AQP9: variants seen among roughly 807,000 people sequenced by gnomAD.
AQP9 encodes the protein aquaporin 9.
A neutral mutation model predicts 23.8 loss-of-function variants in AQP9; 19 were observed. That is an observed-to-expected ratio of 0.80 (90% CI 0.56 to 1.17). AQP9 has a LOEUF of 1.17. Among genes scored for constraint, AQP9 ranks in the 50% most tolerant of loss-of-function variants. AQP9 has a pLI of 0.00. For synonymous variants in AQP9, 153 were observed against 131.5 expected, an observed-to-expected ratio of 1.16 and a Z score of -1.12; for missense variants, 413 against 362.0, an observed-to-expected ratio of 1.14 and a Z score of -1.14.
At chr15:58,140,521 T>A (rs1207901552) in intron 1 of AQP9, among the ~76,000 whole-genome samples, 1 of 152,236 alleles carries the variant, frequency 6.6e-6, no homozygotes, top group Non-Finnish European at 1.5e-5. Flanking sequence ...CATCTTCAGT[T>A]TTGTTGGAGC....
chr15:58,183,657 C>A (rs2140638852), intron 5 of AQP9, among the ~76,000 whole-genome samples: 1 of 152,214 alleles, frequency 6.6e-6, no homozygotes, highest in South Asian at 2.1e-4. Context: ...TTGACCTGAA[C>A]TTTCTTAGGG....
chr15:58,157,435 C>T (rs1252235013), intron 1 of AQP9, among the ~76,000 whole-genome samples: 1 of 152,112 alleles, frequency 6.6e-6, no homozygotes, highest in African/African-American at 2.4e-5. Context: ...TTGACTTTAG[C>T]TAAATAAAAT....
At position 58,138,668 on chromosome 15, in the gene AQP9, A is replaced by T; in HGVS notation, c.103A>T (p.Ile35Phe). Residue 35 changes from isoleucine (I) to phenylalanine (F), a missense_variant, in exon 1 of 6, where the codon ATC becomes TTC. Ile to Phe is a conservative substitution (Grantham distance 21). Transcript: ENST00000219919. ...CCTCTCTGAGTTCTTGGGCACGTTCATCTTGATTGTAAGTATTTCCTGATT... is the reference window on the plus strand; with the variant it reads ...CCTCTCTGAGTTCTTGGGCACGTTCTTCTTGATTGTAAGTATTTCCTGATT... ...ETLSEFLGTF[I>F]LIVLGCGCVA... 6.2e-7 allele frequency: 1 copy of T among 1,613,546 alleles called. No homozygotes were observed. The highest frequency in any genetic ancestry group is 8.5e-7 in the Non-Finnish European group (1 of 1,179,556).
intron 1 of AQP9, 126 bp from the exon 2 acceptor site, chr15:58,166,547 G>A: frequency 8.0e-7 from 1 of 1,252,120 alleles, no homozygotes; most frequent in Non-Finnish European, 1.1e-6. Flanking sequence ...ATTATAATTT[G>A]ATTTGTATAA....
At chr15:58,141,436 A>G (rs1364022721) in intron 1 of AQP9, among the ~76,000 whole-genome samples, 1 of 152,224 alleles carries the variant, frequency 6.6e-6, no homozygotes, top group African/African-American at 2.4e-5. Flanking sequence ...AAGCTTCCGC[A>G]TTAGAGGTCT....
chr15:58,156,594 A>T (rs1011704962), intron 1 of AQP9, among the ~76,000 whole-genome samples: 29 of 152,308 alleles, frequency 1.9e-4, no homozygotes, highest in South Asian at 1.0e-3. Context: ...GTAACCACAG[A>T]CTGGGCAGGA....
intron 1 of AQP9, among the ~76,000 whole-genome samples, chr15:58,148,249 G>A (rs1400452650): frequency 6.6e-6 from 1 of 152,158 alleles, no homozygotes; most frequent in African/African-American, 2.4e-5. Flanking sequence ...TCCCAAATAT[G>A]TTTGGGAAAC....
chr15:58,138,525 T>C lies in AQP9; in HGVS notation c.-41T>C, dbSNP rs1251695640. 3 of 1,520,126 alleles carry C rather than the reference T, an allele frequency of 2.0e-6. No individual in the cohort carries two copies. Among genetic ancestry groups the C allele is most frequent in the Non-Finnish European group, 2.7e-6 (3 of 1,101,482 alleles). 94.2% of individuals were successfully genotyped at this position (1,520,126 alleles called of 1,614,324 possible). ...CTGTGAAAGTGAGGACCACAACAGGTAGGTATTGGTAGAAACAGGAGTCCT... is the reference window on the plus strand; with the variant it reads ...CTGTGAAAGTGAGGACCACAACAGGCAGGTATTGGTAGAAACAGGAGTCCT... On this transcript the variant is annotated 5_prime_UTR_variant, in exon 1 of 6. Transcript: ENST00000219919.
At chr15:58,145,172 C>T (rs774736884) in intron 1 of AQP9, among the ~76,000 whole-genome samples, 1 of 151,954 alleles carries the variant, frequency 6.6e-6, no homozygotes, top group Admixed American at 6.6e-5. Flanking sequence ...TTTCTTTATT[C>T]TTGCCTTTTC....
intron 2 of AQP9, among the ~76,000 whole-genome samples, 179 bp downstream of exon 2, chr15:58,166,978 A>T (rs1347295381): frequency 6.6e-6 from 1 of 152,282 alleles, no homozygotes; most frequent in Non-Finnish European, 1.5e-5. Context: ...GTAACTTATT[A>T]TGCAAAGGCA....
At chr15:58,173,633 GGGA>G (rs1898674794) in intron 3 of AQP9, among the ~76,000 whole-genome samples, 1 of 152,180 alleles carries the variant, frequency 6.6e-6, no homozygotes. Context: ...TGGGCTGGGT[GGGA>G]GCCTCATTGC....
chr15:58,160,618 G>A (rs1898356832), intron 1 of AQP9, among the ~76,000 whole-genome samples: 1 of 146,576 alleles, frequency 6.8e-6, no homozygotes, highest in South Asian at 2.2e-4. Context: ...AATTTGTATG[G>A]TTTTCCTCCA....
intron 1 of AQP9, among the ~76,000 whole-genome samples, chr15:58,146,310 T>C (rs992067370): frequency 6.6e-6 from 1 of 152,146 alleles, no homozygotes; most frequent in Non-Finnish European, 1.5e-5. Flanking sequence ...TCTTAATCCA[T>C]GCTGAATTTT....
chr15:58,176,607 T>G (rs1898759983), intron 4 of AQP9, among the ~76,000 whole-genome samples: 1 of 136,726 alleles, frequency 7.3e-6, no homozygotes, highest in South Asian at 2.5e-4. Context: ...TTTGGTGTTT[T>G]TCTCTAAGCT....
At chr15:58,147,635 G>T (rs752783469) in intron 1 of AQP9, among the ~76,000 whole-genome samples, 3 of 152,136 alleles carry the variant, frequency 2.0e-5, no homozygotes, top group Admixed American at 6.6e-5. Flanking sequence ...CGACTTGAAG[G>T]CTTAGTCCCT....
At chr15:58,142,956 C>A (rs537173696) in intron 1 of AQP9, among the ~76,000 whole-genome samples, 20 of 152,290 alleles carry the variant, frequency 1.3e-4, no homozygotes, top group Middle Eastern at 3.4e-3. Flanking sequence ...CTGTCCAAGT[C>A]GTGCACCATC....
chr15:58,177,894 C>T lies in AQP9; in HGVS notation c.496-1234C>T, dbSNP rs146389680. ...TTATTGTCTTAAAATTTTTCTTTTA[C>T]GTATGTTTTTAAGTAGAGTCAACCC... On this transcript the variant is annotated intron_variant, in intron 4 of 5. Coordinates refer to ENST00000219919, the MANE Select transcript of AQP9 (RefSeq NM_020980.5). 1.6e-3 allele frequency among the ~76,000 whole-genome samples: 244 copies of T among 152,248 alleles called. 1 individual carries two copies. The highest frequency in any genetic ancestry group is 5.1e-3 in the African/African-American group (214 of 41,566).
chr15:58,170,919 G>A (rs1467637695), intron 2 of AQP9, among the ~76,000 whole-genome samples: 7 of 151,774 alleles, frequency 4.6e-5, no homozygotes, highest in African/African-American at 1.2e-4. Context: ...GATCACTTAC[G>A]GCCCCCTTGG....
intron 1 of AQP9, among the ~76,000 whole-genome samples, chr15:58,139,340 C>G (rs184932965): frequency 6.6e-6 from 1 of 152,254 alleles, no homozygotes; most frequent in Admixed American, 6.5e-5. Context: ...GGGACGACTT[C>G]TAAGAACCTC....
Sources: gnomAD v4.1 joint callset for allele counts (sites outside exome capture counted in the v4.1 genomes callset) on GRCh38, gnomAD v4.1.1 for gene constraint, MANE v1.5 for transcripts, NCBI Gene and HGNC (gene_info 2026-07-23, HGNC 2026-07-21) for gene names.